TAFA2: variants seen among roughly 807,000 people sequenced by gnomAD.
TAFA2 encodes the protein chemokine-like protein TAFA-2.
Under a neutral mutation model 18.8 loss-of-function variants are expected in TAFA2, and 7 were observed. That is an observed-to-expected ratio of 0.37 (90% CI 0.21 to 0.70). TAFA2 has a LOEUF of 0.70. TAFA2 is among the 30% of genes least tolerant of loss of function. The pLI, the probability that TAFA2 is intolerant of heterozygous loss-of-function variation, is 0.53. For missense variants in TAFA2, 122 were observed against 158.1 expected, an observed-to-expected ratio of 0.77 and a Z score of 1.23; for synonymous variants, 60 against 54.2, an observed-to-expected ratio of 1.11 and a Z score of -0.47.
intron 1 of TAFA2, among the ~76,000 whole-genome samples, chr12:62,013,293 C>A (rs929250407): frequency 2.7e-4 from 41 of 152,096 alleles, no homozygotes; most frequent in African/African-American, 9.9e-4. Context: ...TCAATGCCTG[C>A]CAGTACCCAC....
chr12:61,875,160 T>A (rs1874787478), intron 1 of TAFA2, among the ~76,000 whole-genome samples: 1 of 152,160 alleles, frequency 6.6e-6, no homozygotes, highest in Non-Finnish European at 1.5e-5. Flanking sequence ...TATTGTAATG[T>A]ATGTAACGAA....
chr12:61,841,456 T>C (rs951059984), intron 2 of TAFA2, among the ~76,000 whole-genome samples: 2 of 152,102 alleles, frequency 1.3e-5, no homozygotes, highest in African/African-American at 4.8e-5. Context: ...ATCAATAGGC[T>C]GTAAACATGT....
intron 1 of TAFA2, among the ~76,000 whole-genome samples, chr12:62,228,098 A>G (rs1240338880): frequency 6.6e-6 from 1 of 152,122 alleles, no homozygotes; most frequent in Non-Finnish European, 1.5e-5. Context: ...TCTCTGAAAT[A>G]ATTGTTTTAA....
At chr12:62,041,080 G>C (rs1881744678) in intron 1 of TAFA2, among the ~76,000 whole-genome samples, 2 of 152,124 alleles carry the variant, frequency 1.3e-5, no homozygotes, top group South Asian at 4.1e-4. Context: ...TGATGAGGTA[G>C]GCAGTATCTA....
chr12:61,742,028 G>A (rs1467755235), intron 4 of TAFA2, among the ~76,000 whole-genome samples: 5 of 151,990 alleles, frequency 3.3e-5, no homozygotes, highest in African/African-American at 7.2e-5. Context: ...TCCCGAGGCC[G>A]GGACTGCAAG....
intron 1 of TAFA2, among the ~76,000 whole-genome samples, chr12:62,067,473 C>T (rs936885771): frequency 2.0e-5 from 3 of 151,846 alleles, no homozygotes; most frequent in Non-Finnish European, 4.4e-5. Context: ...CTTTAATCCA[C>T]TTTTATTTGG....
chr12:62,098,863 C>T (rs1019983435), intron 1 of TAFA2, among the ~76,000 whole-genome samples: 1 of 152,110 alleles, frequency 6.6e-6, no homozygotes, highest in Non-Finnish European at 1.5e-5. Flanking sequence ...TGACTACCTA[C>T]AGATATTTTA....
chr12:62,147,318 G>GTGTATATATATATATATATATA (rs1474954167), intron 1 of TAFA2, among the ~76,000 whole-genome samples: 3 of 87,612 alleles, frequency 3.4e-5, no homozygotes, highest in Non-Finnish European at 6.8e-5. Context: ...GTGTGTGTGT[G>GTGTATATATATATATATATATA]TATGTATGTA....
At chr12:61,940,140 G>C (rs1460281669) in intron 1 of TAFA2, among the ~76,000 whole-genome samples, 1 of 152,160 alleles carries the variant, frequency 6.6e-6, no homozygotes, top group Non-Finnish European at 1.5e-5. Flanking sequence ...TTATAGTATG[G>C]GAAGATAGAT....
chr12:62,050,540 C>A (rs1176931893), intron 1 of TAFA2, among the ~76,000 whole-genome samples: 2 of 151,752 alleles, frequency 1.3e-5, no homozygotes, highest in Admixed American at 1.3e-4. Context: ...CCACTGCACT[C>A]CAGCCTGGGC....
At chr12:61,821,266 T>C (rs1253226255) in intron 2 of TAFA2, among the ~76,000 whole-genome samples, 1 of 152,018 alleles carries the variant, frequency 6.6e-6, no homozygotes, top group African/African-American at 2.4e-5. Context: ...ATACTGATGA[T>C]TAAGTATTTG....
chr12:61,710,188 A>C lies in TAFA2; in HGVS notation c.*218T>G. On this transcript the variant is annotated 3_prime_UTR_variant, in exon 5 of 5. Coordinates refer to ENST00000416284, the MANE Select transcript of TAFA2 (RefSeq NM_178539.5). ...TTTTAACAATTTACAAGTTGAACAC[A>C]GTTCAAATCTGCTGAAATCTTCATG... The C allele has an allele frequency of 2.0e-6, 1 of 505,016 alleles. No homozygotes were observed. Among genetic ancestry groups the C allele is most frequent in the Non-Finnish European group, 3.5e-6 (1 of 282,178 alleles). 31.3% of individuals were successfully genotyped at this position (505,016 alleles called of 1,614,324 possible). A position where few individuals can be genotyped will look rare whatever the true frequency, so the allele number is the denominator to read the frequency against.
chr12:62,029,503 C>G (rs1171951960), intron 1 of TAFA2, among the ~76,000 whole-genome samples: 2 of 152,142 alleles, frequency 1.3e-5, no homozygotes, highest in African/African-American at 2.4e-5. Context: ...GCACAGTATA[C>G]AGTTTCCATG....
At chr12:62,241,858 CAAAT>C (rs942599141) in intron 1 of TAFA2, among the ~76,000 whole-genome samples, 1 of 152,096 alleles carries the variant, frequency 6.6e-6, no homozygotes, top group Non-Finnish European at 1.5e-5. Context: ...ATGCAACAAA[CAAAT>C]ATTTATTGAA....
intron 1 of TAFA2, among the ~76,000 whole-genome samples, chr12:61,997,068 C>A (rs1592538074): frequency 6.6e-6 from 1 of 151,120 alleles, no homozygotes; most frequent in East Asian, 1.9e-4. Context: ...TGTATTCCAG[C>A]AGGAAGAAAC....
chr12:61,925,083 A>C (rs1164406660), intron 1 of TAFA2, among the ~76,000 whole-genome samples: 1 of 152,212 alleles, frequency 6.6e-6, no homozygotes, highest in African/African-American at 2.4e-5. Context: ...CCATATTCAA[A>C]AAGCAACCTT....
intron 2 of TAFA2, among the ~76,000 whole-genome samples, chr12:61,866,897 TA>T (rs1388921078): frequency 6.6e-6 from 1 of 151,946 alleles, no homozygotes; most frequent in African/African-American, 2.4e-5. Context: ...TATTTTATTT[TA>T]TTTTTTTATT....
chr12:62,123,526 A>G (rs186538196), intron 1 of TAFA2, among the ~76,000 whole-genome samples: 2 of 152,234 alleles, frequency 1.3e-5, no homozygotes, highest in East Asian at 3.9e-4. Context: ...AAGAAAAAAA[A>G]AGTGGTCAGA....
At chr12:61,775,389 G>A (rs1870212891) in intron 2 of TAFA2, among the ~76,000 whole-genome samples, 1 of 151,780 alleles carries the variant, frequency 6.6e-6, no homozygotes, top group Non-Finnish European at 1.5e-5. Flanking sequence ...CCAAGACTTG[G>A]CAGCAAAGAA....
Sources: allele counts gnomAD v4.1 joint callset (sites outside exome capture counted in the v4.1 genomes callset), GRCh38; gene constraint gnomAD v4.1.1; transcripts MANE v1.5; gene names NCBI Gene and HGNC (gene_info 2026-07-23, HGNC 2026-07-21).